KLF13: variants seen among roughly 807,000 people sequenced by gnomAD.
The protein encoded by KLF13 is KLF transcription factor 13.
A neutral mutation model predicts 16.7 loss-of-function variants in KLF13; 8 were observed. The observed-to-expected ratio is 0.48, with a 90% CI of 0.28 to 0.87. KLF13 has a LOEUF of 0.87. Ranked by LOEUF, KLF13 falls within the 40% of genes least tolerant of loss-of-function variation. KLF13 has a pLI of 0.10. For missense variants in KLF13, 447 were observed against 452.2 expected (o/e 0.99, Z 0.10); for synonymous variants, 245 against 208.4 (o/e 1.18, Z -1.51).
intron 1 of KLF13, among the ~76,000 whole-genome samples, chr15:31,332,682 C>T (rs1391679906): frequency 6.6e-6 from 1 of 152,238 alleles, no homozygotes; most frequent in African/African-American, 2.4e-5. Context: ...AAGCTTCTGA[C>T]AGCCTCCTGC....
At chr15:31,356,359 G>A (rs974961020) in intron 1 of KLF13, among the ~76,000 whole-genome samples, 2 of 152,180 alleles carry the variant, frequency 1.3e-5, no homozygotes, top group Middle Eastern at 6.3e-3. Context: ...TTTCAGACCA[G>A]CCTGACCAAC....
chr15:31,355,264 G>GT (rs1566814330), intron 1 of KLF13, among the ~76,000 whole-genome samples: 1 of 152,136 alleles, frequency 6.6e-6, no homozygotes, highest in Non-Finnish European at 1.5e-5. Context: ...AGAAGGGCAG[G>GT]GTGTCATCTC....
intron 1 of KLF13, among the ~76,000 whole-genome samples, chr15:31,428,457 A>C (rs539111086): frequency 6.6e-6 from 1 of 152,300 alleles, no homozygotes; most frequent in African/African-American, 2.4e-5. Flanking sequence ...CTCAGTCAAA[A>C]TTTCAACAGG....
At chr15:31,339,705 C>A (rs2038989978) in intron 1 of KLF13, among the ~76,000 whole-genome samples, 1 of 152,260 alleles carries the variant, frequency 6.6e-6, no homozygotes, top group African/African-American at 2.4e-5. Flanking sequence ...GCCTGGCCCC[C>A]TCCCTGCAGG....
chr15:31,430,362 T>C (rs1044407671), intron 1 of KLF13, among the ~76,000 whole-genome samples: 2 of 152,174 alleles, frequency 1.3e-5, no homozygotes, highest in South Asian at 2.1e-4. Context: ...GCTATCACAG[T>C]ACACCAAGGA....
intron 1 of KLF13, among the ~76,000 whole-genome samples, chr15:31,413,190 AAAAAAAAAAAAAC>A (rs1056563474): frequency 6.7e-6 from 1 of 148,958 alleles, no homozygotes; most frequent in African/African-American, 2.4e-5. Flanking sequence ...GAATAGACAA[AAAAAAAAAAAAAC>A]AAAAAACAAA....
In KLF13 at chr15:31,423,139, G is replaced by GTATATGTATACGTATATATACATATA. The variant is rs1491468052; in HGVS notation, n.118-12227_118-12226insTGTATACGTATATATACATATATATA. ...TATATATACGTATATATACGTATAC[G>GTATATGTATACGTATATATACATATA]TATACGTATATATACGTATATATAT... On this transcript the variant is annotated intron_variant and non_coding_transcript_variant, in intron 1 of 1. Transcript: ENST00000558225. Among the ~76,000 whole-genome samples the GTATATGTATACGTATATATACATATA allele has an allele frequency of 3.3e-4, 5 of 15,156 alleles. 1 individual carries two copies. Among genetic ancestry groups the GTATATGTATACGTATATATACATATA allele is most frequent in the African/African-American group, 9.1e-4 (1 of 1,104 alleles). The allele number at this position is 15,156 out of a possible 152,430, so 9.9% of individuals were successfully genotyped here.
chr15:31,432,624 T>A (rs1054767848), intron 1 of KLF13, among the ~76,000 whole-genome samples: 1 of 151,860 alleles, frequency 6.6e-6, no homozygotes, highest in African/African-American at 2.4e-5. Flanking sequence ...AACTTTTAAT[T>A]TTTTTTGTAG....
At chr15:31,435,035 C>G (rs1462792207) in intron 1 of KLF13, among the ~76,000 whole-genome samples, 1 of 152,240 alleles carries the variant, frequency 6.6e-6, no homozygotes, top group East Asian at 1.9e-4. Context: ...CGTCGCAGCT[C>G]AGCCTCCTTG....
chr15:31,368,581 G>T (rs183061489), intron 1 of KLF13, among the ~76,000 whole-genome samples: 4 of 152,156 alleles, frequency 2.6e-5, no homozygotes, highest in African/African-American at 9.7e-5. Context: ...CAAGCCAGGC[G>T]TGTGGCTCAT....
At chr15:31,355,877 G>A (rs2039291947) in intron 1 of KLF13, among the ~76,000 whole-genome samples, 1 of 151,906 alleles carries the variant, frequency 6.6e-6, no homozygotes, top group Admixed American at 6.6e-5. Flanking sequence ...GCTCCGTGTG[G>A]CCTGGATAAC....
At chr15:31,339,372 C>G (rs766630857) in intron 1 of KLF13, among the ~76,000 whole-genome samples, 1 of 151,988 alleles carries the variant, frequency 6.6e-6, no homozygotes, top group Non-Finnish European at 1.5e-5. Flanking sequence ...GATTCATTGA[C>G]TTTTCTTTTA....
In KLF13 at chr15:31,430,320, G is replaced by GA. The variant is rs748358581; in HGVS notation, n.118-5044dup. On this transcript the variant is annotated intron_variant and non_coding_transcript_variant, in intron 1 of 1. Coordinates refer to the KLF13 transcript ENST00000558225. ...AGAGAGAGAACAATGAGTAAAAGGGGAAAAAATGGGTGTCTTAGTCTGTGT... is the reference window on the plus strand; with the variant it reads ...AGAGAGAGAACAATGAGTAAAAGGGGAAAAAAATGGGTGTCTTAGTCTGTGT... 1.7e-4 allele frequency among the ~76,000 whole-genome samples: 26 copies of GA among 152,044 alleles called. 2 individuals are homozygous for GA. The highest frequency in any genetic ancestry group is 9.8e-4 in the Admixed American group (15 of 15,270).
upstream of KLF13, among the ~76,000 whole-genome samples, chr15:31,392,614 C>T (rs1000961720): frequency 2.0e-5 from 3 of 152,378 alleles, no homozygotes; most frequent in East Asian, 5.8e-4. Flanking sequence ...CCTGACCCCT[C>T]AGGCCTGTCC....
chr15:31,413,117 GAA>G (rs1304281662), intron 1 of KLF13, among the ~76,000 whole-genome samples: 7 of 138,138 alleles, frequency 5.1e-5, no homozygotes, highest in African/African-American at 1.9e-4. Context: ...GCCAGAGACA[GAA>G]AGAGAGTGCT....
chr15:31,391,547 G>A (rs1338106116), upstream of KLF13, among the ~76,000 whole-genome samples: 2 of 152,126 alleles, frequency 1.3e-5, no homozygotes, highest in Non-Finnish European at 2.9e-5. Flanking sequence ...GCTCGGGGCT[G>A]GGCCAGGAGC....
At position 31,372,133 on chromosome 15, in the gene KLF13, A is replaced by G. The variant is rs1280334524; in HGVS notation, c.701A>G (p.Lys234Arg). 1 of 1,612,978 alleles carries G rather than the reference A, an allele frequency of 6.2e-7. No individual in the cohort carries two copies. The highest frequency in any genetic ancestry group is 8.5e-7 in the Non-Finnish European group (1 of 1,179,974). The change falls in exon 2 of 2, where the codon AAG (lysine) becomes AGG (arginine). Residue 234 changes from lysine (K) to arginine (R), a missense_variant. By Grantham distance (26) the Lys-to-Arg change is conservative (BLOSUM62 2). Around this residue, in one of 2 missense-constraint regions of KLF13, gnomAD observed 88 missense variants for 169.5 expected, o/e 0.52. Coordinates refer to ENST00000307145, the MANE Select transcript of KLF13 (RefSeq NM_015995.4). The stretch of plus-strand genomic sequence containing the variant: ...AAGTTCAGCTGCCCCATCTGCGAGA[A>G]GCGCTTCATGCGCAGCGACCACCTG... Reference protein sequence around the residue: ...EKKFSCPICEKRFMRSDHLTK... With the variant: ...EKKFSCPICERRFMRSDHLTK...
At chr15:31,380,475 T>C (rs1205183700), downstream of KLF13, among the ~76,000 whole-genome samples, 1 of 152,156 alleles carries the variant, frequency 6.6e-6, no homozygotes, top group African/African-American at 2.4e-5. Flanking sequence ...CCACAGTGTT[T>C]TCCAAGTGGA....
upstream of KLF13, among the ~76,000 whole-genome samples, chr15:31,389,720 A>C (rs1443922361): frequency 2.0e-5 from 3 of 152,162 alleles, no homozygotes; most frequent in Non-Finnish European, 4.4e-5. Flanking sequence ...AGCTTAGTCT[A>C]TAGTAAAAGT....
Sources: allele counts gnomAD v4.1 joint callset (sites outside exome capture counted in the v4.1 genomes callset), GRCh38; gene constraint gnomAD v4.1.1; regional missense constraint gnomAD v4.1.1; transcripts MANE v1.5; gene names NCBI Gene and HGNC (gene_info 2026-07-23, HGNC 2026-07-21).